Variants in GXYLT2 observed in about 807,000 individuals in gnomAD.
The protein encoded by GXYLT2 is glucoside xylosyltransferase 2.
A neutral mutation model predicts 45.8 loss-of-function variants in GXYLT2; 53 were observed. The observed-to-expected ratio is 1.16, with a 90% confidence interval of 0.93 to 1.46. GXYLT2 has a LOEUF of 1.46. Ranked by LOEUF, GXYLT2 falls within the 40% of genes most tolerant of loss-of-function variation. The pLI is 0.00. For missense variants in GXYLT2, 551 were observed against 544.4 expected, an observed-to-expected ratio of 1.01 and a Z score of -0.12; for synonymous variants, 219 against 214.2, an observed-to-expected ratio of 1.02 and a Z score of -0.19.
Position 72,888,271 on chromosome 3 carries a change from T to TCGCGCTGGC in GXYLT2, c.46_54dup (p.Ala16_Leu18dup). The stretch of plus-strand genomic sequence containing the variant: ...AGCAAGGCGGCGGCGCTGCTCTTGC[T>TCGCGCTGGC]CGCGCTGGCCGCGCTGCTGCTGGCG... On this transcript the variant is annotated inframe_insertion, in exon 1 of 7. Transcript: ENST00000389617. 2.0e-6 allele frequency: 2 copies of TCGCGCTGGC among 994,722 alleles called. No individual in the cohort carries two copies. Among genetic ancestry groups the TCGCGCTGGC allele is most frequent in the Non-Finnish European group, 2.4e-6 (2 of 838,820 alleles). The allele number at this position is 994,722 out of a possible 1,614,324, so 61.6% of individuals were successfully genotyped here. A position where few individuals can be genotyped will look rare whatever the true frequency, so the allele number is the denominator to read the frequency against.
chr3:72,924,982 A>G (rs1709892112), intron 3 of GXYLT2, among the ~76,000 whole-genome samples: 1 of 151,998 alleles, frequency 6.6e-6, no homozygotes, highest in Non-Finnish European at 1.5e-5. Context: ...GTGGCTGAGG[A>G]TACTCAAGCA....
intron 2 of GXYLT2, among the ~76,000 whole-genome samples, chr3:72,918,636 G>T (rs1237735728): frequency 6.6e-6 from 1 of 151,976 alleles, no homozygotes; most frequent in Non-Finnish European, 1.5e-5. Flanking sequence ...ACCAGCCTGG[G>T]AAACATGGCG....
intron 2 of GXYLT2, among the ~76,000 whole-genome samples, chr3:72,914,888 T>A (rs1709705742): frequency 6.6e-6 from 1 of 152,140 alleles, no homozygotes; most frequent in Non-Finnish European, 1.5e-5. Context: ...CTTTTTGGCT[T>A]AAAGAGCCTG....
chr3:72,969,023 A>G (rs1172931189), intron 6 of GXYLT2, among the ~76,000 whole-genome samples: 1 of 151,982 alleles, frequency 6.6e-6, no homozygotes, highest in Non-Finnish European at 1.5e-5. Context: ...GGGAGCTGAG[A>G]TGGCGCCACT....
chr3:72,909,362 G>A (rs763179401), intron 2 of GXYLT2, among the ~76,000 whole-genome samples: 3 of 151,744 alleles, frequency 2.0e-5, no homozygotes, highest in East Asian at 3.9e-4. Flanking sequence ...GAGCCACTGC[G>A]CCTGGCCGGT....
chr3:72,951,394 A>T (rs1710522350), intron 3 of GXYLT2, among the ~76,000 whole-genome samples: 1 of 152,182 alleles, frequency 6.6e-6, no homozygotes, highest in African/African-American at 2.4e-5. Flanking sequence ...AACTAATTAT[A>T]CTTGACATTT....
rs1435552209 is a variant in GXYLT2 at position 72,908,374 on chromosome 3, G to A, written c.283G>A (p.Gly95Arg). The change falls in exon 2 of 7, where the codon GGA (glycine) becomes AGA (arginine). Residue 95 changes from glycine (G) to arginine (R), a missense_variant. By Grantham distance (125) the Gly-to-Arg change is moderately radical. Transcript: ENST00000389617. ...ARLEKLARRP[G>R]EPRSFQAVLP... is the part of the protein sequence containing the mutation. ...TGTTTTCCCTCTTTCTAGGAGGCCT[G>A]GAGAACCCAGGAGTTTCCAAGCTGT... is the stretch of plus-strand genomic sequence containing the variant. The A allele has an allele frequency of 6.3e-7, 1 of 1,596,028 alleles. No homozygotes were observed.
intron 5 of GXYLT2, among the ~76,000 whole-genome samples, chr3:72,965,333 T>A (rs1040255435): frequency 8.5e-5 from 13 of 152,200 alleles, no homozygotes; most frequent in Non-Finnish European, 1.6e-4. Flanking sequence ...AAGTAATCAC[T>A]AAGCAATGAT....
intron 5 of GXYLT2, among the ~76,000 whole-genome samples, chr3:72,957,614 CCATT>C (rs1301206645): frequency 6.6e-6 from 1 of 152,128 alleles, no homozygotes; most frequent in Non-Finnish European, 1.5e-5. Context: ...TTTTGCTATA[CCATT>C]CTTCTAAGAA....
intron 3 of GXYLT2, among the ~76,000 whole-genome samples, chr3:72,948,973 G>GT (rs1710463645): frequency 6.6e-6 from 1 of 152,122 alleles, no homozygotes; most frequent in Non-Finnish European, 1.5e-5. Context: ...TGGACTTCGG[G>GT]TGAGGAAGCA....
chr3:72,912,009 A>AT (rs1335193184), intron 2 of GXYLT2, among the ~76,000 whole-genome samples: 1 of 122,020 alleles, frequency 8.2e-6, no homozygotes, highest in Non-Finnish European at 1.6e-5. Context: ...ATATATATAT[A>AT]TATATTTTTT....
intron 6 of GXYLT2, among the ~76,000 whole-genome samples, chr3:72,969,937 C>T (rs1437419020): frequency 8.4e-6 from 1 of 119,482 alleles, no homozygotes; most frequent in African/African-American, 2.9e-5. Flanking sequence ...ACATTTAAGG[C>T]CCAGCACAGT....
intron 6 of GXYLT2, among the ~76,000 whole-genome samples, chr3:72,970,793 C>T (rs1220646689): frequency 6.6e-6 from 1 of 152,086 alleles, no homozygotes; most frequent in African/African-American, 2.4e-5. Flanking sequence ...ACCTGGGAAG[C>T]AGAGGTTGCA....
At chr3:72,889,545 GA>G (rs1156278502) in intron 1 of GXYLT2, among the ~76,000 whole-genome samples, 1 of 152,060 alleles carries the variant, frequency 6.6e-6, no homozygotes, top group Non-Finnish European at 1.5e-5. Flanking sequence ...GTTTTAGGGG[GA>G]AAAAACCCCA....
chr3:72,912,490 A>G (rs1277247468), intron 2 of GXYLT2, among the ~76,000 whole-genome samples: 3 of 152,204 alleles, frequency 2.0e-5, no homozygotes, highest in South Asian at 4.1e-4. Context: ...GTAATTGGTT[A>G]TAAGGCAACA....
At chr3:72,901,419 G>T (rs1320713981) in intron 1 of GXYLT2, among the ~76,000 whole-genome samples, 1 of 148,152 alleles carries the variant, frequency 6.7e-6, no homozygotes, top group South Asian at 2.1e-4. Context: ...AGCCAAGATC[G>T]CACCACTGCA....
intron 5 of GXYLT2, 38 bp downstream of exon 5, chr3:72,957,390 A>G (rs761000529): frequency 1.2e-5 from 19 of 1,555,440 alleles, no homozygotes. Context: ...GTGTAGGAGT[A>G]CACTCAGCAC....
chr3:72,968,390 G>A (rs750068741), intron 6 of GXYLT2, among the ~76,000 whole-genome samples: 30 of 152,168 alleles, frequency 2.0e-4, no homozygotes, highest in Non-Finnish European at 3.5e-4. Context: ...AGCTAAATAC[G>A]TTGCCTGGTT....
rs75701925 is a variant in GXYLT2, at chr3:72,919,440, A to G, written c.469-2764A>G. On this transcript the variant is annotated intron_variant, in intron 2 of 6. Transcript: ENST00000389617. ...ACTATATCACATTCTGGAAAAGGTA[A>G]CATGAAGAGACTATATAAAAAGATC... Among the ~76,000 whole-genome samples, 632 of 140,318 alleles carry G rather than the reference A, an allele frequency of 4.5e-3. 6 individuals are homozygous for G. The highest frequency in any genetic ancestry group is 0.019 in the African/African-American group (595 of 30,876). The allele number at this position is 140,318 out of a possible 152,430, so 92.1% of individuals were successfully genotyped here.
Sources: gnomAD v4.1 joint callset for allele counts (sites outside exome capture counted in the v4.1 genomes callset) on GRCh38, gnomAD v4.1.1 for gene constraint, MANE v1.5 for transcripts, NCBI Gene and HGNC (gene_info 2026-07-23, HGNC 2026-07-21) for gene names.